Variants in RIMS1 observed in about 807,000 individuals in gnomAD.
RIMS1 encodes the protein regulating synaptic membrane exocytosis protein 1.
RIMS1 carries 83 observed loss-of-function variants against 214.1 expected under a neutral mutation model. That is an observed-to-expected ratio of 0.39 (90% CI 0.32 to 0.47). The LOEUF is 0.47. Among genes scored for constraint, RIMS1 ranks in the 20% least tolerant of loss-of-function variants. The pLI, the probability that RIMS1 is intolerant of heterozygous loss-of-function variation, is 0.99. For synonymous variants in RIMS1, 793 were observed against 786.8 expected (o/e 1.01, Z -0.13); for missense variants, 2,050 against 2,161.8 (o/e 0.95, Z 1.03).
chr6:72,215,027 C>G (rs1036966383), intron 6 of RIMS1, among the ~76,000 whole-genome samples: 5 of 152,146 alleles, frequency 3.3e-5, no homozygotes, highest in African/African-American at 7.2e-5. Flanking sequence ...CAGCCTGATT[C>G]ATGCATTCTT....
At chr6:72,242,922 C>G (rs919628652) in intron 10 of RIMS1, among the ~76,000 whole-genome samples, 9 of 151,810 alleles carry the variant, frequency 5.9e-5, no homozygotes, top group Middle Eastern at 3.4e-3. Context: ...TAAAATCAAG[C>G]AAGAAGTATT....
chr6:72,323,090 C>T (rs557401527), intron 28 of RIMS1, among the ~76,000 whole-genome samples: 1 of 152,066 alleles, frequency 6.6e-6, no homozygotes, highest in East Asian at 1.9e-4. Flanking sequence ...TCAGAAGGGC[C>T]AAACTCTAGA....
intron 4 of RIMS1, among the ~76,000 whole-genome samples, chr6:72,150,162 T>G: frequency 1.4e-5 from 2 of 144,712 alleles, no homozygotes; most frequent in South Asian, 2.2e-4. Context: ...GGGCTCAGAA[T>G]GGGGAGGGCA....
intron 28 of RIMS1, chr6:72,316,630 G>T (rs770910400): frequency 2.1e-5 from 10 of 487,312 alleles, no homozygotes; most frequent in Middle Eastern, 3.9e-4. Context: ...CCAGCCTGGA[G>T]CAGGAGCCAC....
intron 2 of RIMS1, among the ~76,000 whole-genome samples, chr6:72,076,329 A>G (rs1831859584): frequency 6.6e-6 from 1 of 152,182 alleles, no homozygotes; most frequent in African/African-American, 2.4e-5. Context: ...GGTGCCCATC[A>G]ATTTTGTTCC....
chr6:72,333,893 A>T lies in RIMS1; in HGVS notation c.4366+58A>T. ...ATTCTTTTATGGAGAGAAAAACTTG[A>T]TCTTCATGCTATGGCTTGTGATGGA... On this transcript the variant is annotated intron_variant, in intron 29 of 33. Coordinates refer to ENST00000521978, the MANE Select transcript of RIMS1 (RefSeq NM_014989.7). The T allele has an allele frequency of 1.2e-5, 15 of 1,202,696 alleles. No individual in the cohort carries two copies. In the South Asian group the frequency reaches 1.9e-4, roughly 15 times the overall value. 74.5% of individuals were successfully genotyped at this position (1,202,696 alleles called of 1,614,324 possible). A position where few individuals can be genotyped will look rare whatever the true frequency, so the allele number is the denominator to read the frequency against.
chr6:72,104,507 T>G (rs1314202064), intron 4 of RIMS1, among the ~76,000 whole-genome samples: 1 of 152,166 alleles, frequency 6.6e-6, no homozygotes, highest in Non-Finnish European at 1.5e-5. Flanking sequence ...ATGGAGCTTC[T>G]GCACCATGGA....
intron 4 of RIMS1, among the ~76,000 whole-genome samples, chr6:72,140,725 G>C (rs546016242): frequency 6.6e-5 from 10 of 152,104 alleles, no homozygotes; most frequent in African/African-American, 2.2e-4. Context: ...CATTTGGATT[G>C]CATTTCCCAT....
At chr6:71,982,181 A>G (rs772202032) in intron 2 of RIMS1, among the ~76,000 whole-genome samples, 1 of 152,032 alleles carries the variant, frequency 6.6e-6, no homozygotes, top group Non-Finnish European at 1.5e-5. Context: ...TCCACCATCT[A>G]TTATCCTTTG....
rs114925805 is a variant in RIMS1, at chr6:72,208,202, A to C, written c.1678+25053A>C. The stretch of plus-strand genomic sequence containing the variant: ...TTCTGTCTGAACCGTGGGTGAAAAC[A>C]AAAACAAGCAACAAGTCTGTTGTAA... On this transcript the variant is annotated intron_variant, in intron 6 of 33. Coordinates refer to ENST00000521978, the MANE Select transcript of RIMS1 (RefSeq NM_014989.7). 2.9e-3 allele frequency among the ~76,000 whole-genome samples: 449 copies of C among 152,336 alleles called. 1 individual carries two copies. The highest frequency in any genetic ancestry group is 0.01 in the African/African-American group (432 of 41,584).
intron 16 of RIMS1, among the ~76,000 whole-genome samples, chr6:72,255,302 T>A (rs1275854936): frequency 1.3e-5 from 2 of 152,060 alleles, no homozygotes; most frequent in African/African-American, 2.4e-5. Context: ...GAAGAAAAAA[T>A]TTGTTTAGAT....
chr6:72,100,831 G>A (rs1189075082), intron 4 of RIMS1, among the ~76,000 whole-genome samples: 8 of 151,930 alleles, frequency 5.3e-5, no homozygotes, highest in Admixed American at 5.2e-4. Context: ...ACACTGCAGT[G>A]CATAATTAGC....
chr6:72,070,072 A>G (rs1480992061), intron 2 of RIMS1, among the ~76,000 whole-genome samples: 1 of 152,208 alleles, frequency 6.6e-6, no homozygotes, highest in Non-Finnish European at 1.5e-5. Context: ...CTTGCATATT[A>G]TTCTCTTATA....
chr6:71,908,505 C>G (rs541162155), intron 1 of RIMS1, among the ~76,000 whole-genome samples: 1 of 152,314 alleles, frequency 6.6e-6, no homozygotes, highest in South Asian at 2.1e-4. Context: ...CTCTACATGA[C>G]TGCTCCTTCT....
chr6:71,971,196 T>G (rs1218563326), intron 2 of RIMS1, among the ~76,000 whole-genome samples: 1 of 152,174 alleles, frequency 6.6e-6, no homozygotes, highest in Non-Finnish European at 1.5e-5. Context: ...ATAATCAGAT[T>G]TGCTTTATCA....
At chr6:71,925,540 A>G (rs149971877) in intron 1 of RIMS1, among the ~76,000 whole-genome samples, 6 of 152,364 alleles carry the variant, frequency 3.9e-5, no homozygotes, top group Admixed American at 6.5e-5. Flanking sequence ...TTAATAGACA[A>G]TTGGTGTTCT....
At chr6:72,336,500 A>G (rs1051533833) in intron 29 of RIMS1, among the ~76,000 whole-genome samples, 1 of 151,916 alleles carries the variant, frequency 6.6e-6, no homozygotes, top group Admixed American at 6.6e-5. Context: ...TCCAGTGTAC[A>G]GGTGGAAAAA....
chr6:72,106,494 T>C (rs2034767627), intron 4 of RIMS1, among the ~76,000 whole-genome samples: 2 of 152,118 alleles, frequency 1.3e-5, no homozygotes, highest in Admixed American at 1.3e-4. Flanking sequence ...AATGTGCAAT[T>C]ATAATGTTTT....
chr6:72,122,055 C>T (rs528810878), intron 4 of RIMS1, among the ~76,000 whole-genome samples: 1 of 151,698 alleles, frequency 6.6e-6, no homozygotes, highest in African/African-American at 2.4e-5. Context: ...TTTGGTTTGC[C>T]AGTATTTTAT....
Sources: gnomAD v4.1 joint callset for allele counts (sites outside exome capture counted in the v4.1 genomes callset) on GRCh38, gnomAD v4.1.1 for gene constraint, MANE v1.5 for transcripts, NCBI Gene and HGNC (gene_info 2026-07-23, HGNC 2026-07-21) for gene names.